The following RASGRP3 variants were observed in gnomAD, a reference collection of about 807,000 sequenced individuals.
The protein encoded by RASGRP3 is ras guanyl-releasing protein 3.
RASGRP3 carries 54 observed loss-of-function variants against 82.7 expected under a neutral mutation model. The observed-to-expected ratio is 0.65, with a 90% confidence interval of 0.52 to 0.82. The LOEUF (loss-of-function observed/expected upper bound fraction) is 0.82. Ranked by LOEUF, RASGRP3 falls within the 40% of genes least tolerant of loss-of-function variation. The pLI is 0.00. For synonymous variants in RASGRP3, 309 were observed against 300.5 expected, an observed-to-expected ratio of 1.03 and a Z score of -0.29; for missense variants, 861 against 828.9, an observed-to-expected ratio of 1.04 and a Z score of -0.48.
chr2:33,464,480 A>T (rs201007382), intron 2 of RASGRP3, among the ~76,000 whole-genome samples: 3,441 of 104,856 alleles, frequency 0.033, 119 homozygotes, highest in East Asian at 0.17. Flanking sequence ...TCTTTTTTTA[A>T]AAAAAAAAAA....
intron 2 of RASGRP3, among the ~76,000 whole-genome samples, chr2:33,464,043 T>C (rs1018108757): frequency 1.3e-5 from 2 of 151,146 alleles, no homozygotes; most frequent in Non-Finnish European, 2.9e-5. Flanking sequence ...CATTTTTCCA[T>C]TAGCATGTGT....
intron 14 of RASGRP3, among the ~76,000 whole-genome samples, chr2:33,550,136 A>C (rs948720062): frequency 1.4e-4 from 21 of 152,320 alleles, no homozygotes; most frequent in African/African-American, 5.1e-4. Context: ...AGTGACCAGA[A>C]ATCCGTCATG....
At chr2:33,499,200 C>T (rs905288105) in intron 1 of RASGRP3, among the ~76,000 whole-genome samples, 5 of 152,152 alleles carry the variant, frequency 3.3e-5, no homozygotes, top group African/African-American at 1.2e-4. Flanking sequence ...CAGTGAGTCC[C>T]TCCCTAAGGT....
chr2:33,487,972 A>G (rs1383756671), intron 1 of RASGRP3, among the ~76,000 whole-genome samples: 1 of 152,228 alleles, frequency 6.6e-6, no homozygotes, highest in East Asian at 1.9e-4. Context: ...GTATATATGT[A>G]TATTACCAAC....
intron 17 of RASGRP3, among the ~76,000 whole-genome samples, chr2:33,560,020 T>G (rs970487754): frequency 6.6e-6 from 1 of 152,184 alleles, no homozygotes; most frequent in Non-Finnish European, 1.5e-5. Flanking sequence ...GCTGAAACAC[T>G]TTTTTTGTTT....
chr2:33,520,110 G>A, intron 5 of RASGRP3, 96 bp downstream of exon 5: 2 of 1,014,212 alleles, frequency 2.0e-6, no homozygotes, highest in Non-Finnish European at 2.9e-6. Flanking sequence ...TTTGACAACA[G>A]ACTCTACTCT....
At chr2:33,487,138 T>A (rs1175682920) in intron 1 of RASGRP3, among the ~76,000 whole-genome samples, 1 of 152,158 alleles carries the variant, frequency 6.6e-6, no homozygotes, top group African/African-American at 2.4e-5. Context: ...CCGTAAATAT[T>A]TTAGTATGTG....
At chr2:33,443,644 GCA>G (rs1665345622) in intron 1 of RASGRP3, among the ~76,000 whole-genome samples, 2 of 151,084 alleles carry the variant, frequency 1.3e-5, no homozygotes, top group South Asian at 4.2e-4. Flanking sequence ...AATTTGGGTG[GCA>G]GAGGCTGGAA....
At chr2:33,490,294 A>G (rs868721789) in intron 1 of RASGRP3, among the ~76,000 whole-genome samples, 2 of 152,262 alleles carry the variant, frequency 1.3e-5, no homozygotes, top group Non-Finnish European at 2.9e-5. Flanking sequence ...CTGCAATTCT[A>G]AACAAACTTG....
chr2:33,524,175 A>G (rs970228475), intron 8 of RASGRP3, 123 bp downstream of exon 8: 3 of 1,160,602 alleles, frequency 2.6e-6, no homozygotes, highest in Admixed American at 2.3e-5. Context: ...CTACTCGCTG[A>G]TATCTAATGA....
At chr2:33,559,168 T>C in intron 17 of RASGRP3, 138 bp downstream of exon 17, 1 of 699,854 alleles carries the variant, frequency 1.4e-6, no homozygotes, top group Non-Finnish European at 2.3e-6. Context: ...GTATCACTTT[T>C]AGTCTTGCCA....
intron 1 of RASGRP3, among the ~76,000 whole-genome samples, chr2:33,501,130 G>T (rs541864998): frequency 1.8e-4 from 27 of 152,248 alleles, no homozygotes; most frequent in African/African-American, 2.4e-4. Flanking sequence ...TGTCGCTATA[G>T]ATTTGCCTAT....
At chr2:33,544,263 G>T (rs1674534435) in intron 13 of RASGRP3, among the ~76,000 whole-genome samples, 1 of 151,916 alleles carries the variant, frequency 6.6e-6, no homozygotes, top group Non-Finnish European at 1.5e-5. Context: ...GCAGTGAGCT[G>T]AGATAGCACC....
At chr2:33,519,441 C>T (rs957646090) in intron 4 of RASGRP3, among the ~76,000 whole-genome samples, 16 of 152,050 alleles carry the variant, frequency 1.1e-4, no homozygotes, top group Non-Finnish European at 2.1e-4. Flanking sequence ...ACGGCGAAAC[C>T]CCGTCTCTAC....
intron 1 of RASGRP3, among the ~76,000 whole-genome samples, chr2:33,439,168 T>G (rs1232566660): frequency 1.3e-5 from 2 of 152,212 alleles, no homozygotes; most frequent in East Asian, 3.8e-4. Flanking sequence ...AACACCTATT[T>G]ATTAAGTTTT....
At chr2:33,457,222 T>A (rs527508010) in intron 2 of RASGRP3, among the ~76,000 whole-genome samples, 22 of 152,316 alleles carry the variant, frequency 1.4e-4, no homozygotes, top group African/African-American at 4.8e-4. Flanking sequence ...TTCATTGTTT[T>A]AAATTTTTAA....
chr2:33,470,462 C>T (rs1666989733), intron 2 of RASGRP3, among the ~76,000 whole-genome samples: 2 of 151,490 alleles, frequency 1.3e-5, no homozygotes, highest in Non-Finnish European at 2.9e-5. Flanking sequence ...TCACTGCAAG[C>T]TCCGCCTGAC....
chr2:33,516,859 A>G (rs1024352446), intron 4 of RASGRP3: 31 of 404,856 alleles, frequency 7.7e-5, no homozygotes, highest in Non-Finnish European at 1.3e-4. Flanking sequence ...ACTTGAAAAT[A>G]ATCACTAAGA....
At chr2:33,437,940 C>T (rs1167202029) in intron 1 of RASGRP3, among the ~76,000 whole-genome samples, 1 of 152,120 alleles carries the variant, frequency 6.6e-6, no homozygotes, top group Non-Finnish European at 1.5e-5. Flanking sequence ...GCTGCAAAGT[C>T]AGTTCTGAGT....
Sources: allele counts gnomAD v4.1 joint callset (sites outside exome capture counted in the v4.1 genomes callset), GRCh38; gene constraint gnomAD v4.1.1; transcripts MANE v1.5; gene names NCBI Gene and HGNC (gene_info 2026-07-23, HGNC 2026-07-21).